The following RPS6KA1 variants were observed in gnomAD, a reference collection of about 807,000 sequenced individuals.
RPS6KA1 encodes the protein ribosomal protein S6 kinase A1.
In RPS6KA1, 48 loss-of-function variants were observed where a neutral mutation model predicts 91.3. The ratio of observed to expected loss-of-function variants is 0.53; its 90% CI spans 0.42 to 0.67. RPS6KA1 has a LOEUF of 0.67. Among genes scored for constraint, RPS6KA1 ranks in the 30% least tolerant of loss-of-function variants. RPS6KA1 has a pLI of 0.00. For missense variants in RPS6KA1, 719 were observed against 960.5 expected, an observed-to-expected ratio of 0.75 and a Z score of 3.32; for synonymous variants, 359 against 384.7, an observed-to-expected ratio of 0.93 and a Z score of 0.78.
chr1:26,554,842 C>T lies in RPS6KA1; in HGVS notation c.756+104C>T. ...ATCATTTCTAGGGCTCTCCCCGTCTCCTCTCACAGCCAAGCTGGCCTCACC... is the reference window on the plus strand; with the variant it reads ...ATCATTTCTAGGGCTCTCCCCGTCTTCTCTCACAGCCAAGCTGGCCTCACC... On this transcript the variant is annotated intron_variant, in intron 9 of 21. Coordinates refer to ENST00000374168, the MANE Select transcript of RPS6KA1 (RefSeq NM_002953.4). This position sits in a 1 kb window ranked among gnomAD's most constrained non-coding sequence, Gnocchi z 4.6. The T allele has an allele frequency of 7.0e-7, 1 of 1,424,098 alleles. No homozygotes were observed. The highest frequency in any genetic ancestry group is 2.2e-5 in the Admixed American group (1 of 44,574). The allele number at this position is 1,424,098 out of a possible 1,614,324, so 88.2% of individuals were successfully genotyped here. A position where few individuals can be genotyped will look rare whatever the true frequency, so the allele number is the denominator to read the frequency against.
chr1:26,545,379 T>A (rs1197188375), intron 2 of RPS6KA1, among the ~76,000 whole-genome samples: 1 of 150,766 alleles, frequency 6.6e-6, no homozygotes, highest in Non-Finnish European at 1.5e-5. Flanking sequence ...GGTTTCATCA[T>A]GTTAACCAGG....
intron 17 of RPS6KA1, among the ~76,000 whole-genome samples, chr1:26,564,240 AATTTT>A (rs992072649): frequency 6.6e-5 from 10 of 152,112 alleles, no homozygotes; most frequent in African/African-American, 2.2e-4. Flanking sequence ...TTTTAAATTT[AATTTT>A]ATTTAATTAA....
In RPS6KA1 at chr1:26,558,913, G is replaced by A. The variant is rs1471546599; in HGVS notation, c.1191G>A (p.Gln397=). The change falls in exon 14 of 22, where the codon CAG becomes CAA. Residue 397 remains glutamine (Q), a synonymous_variant. Coordinates refer to ENST00000374168, the MANE Select transcript of RPS6KA1 (RefSeq NM_002953.4). The surrounding 1 kb of genome is among the most constrained non-coding windows in gnomAD (Gnocchi z 4.0). The part of the protein sequence containing the change: ...MEDDGKPRAP[Q]APLHSVVQQL... ...ACGACGGCAAGCCTCGTGCCCCGCA[G>A]GCACCCCTGCACTCGGTGGTACAGG... The A allele has an allele frequency of 6.2e-7, 1 of 1,613,594 alleles. No homozygotes were observed. Among genetic ancestry groups the A allele is most frequent in the East Asian group, 2.2e-5 (1 of 44,876 alleles).
intron 1 of RPS6KA1, 121 bp from the exon 2 acceptor site, chr1:26,536,804 C>T: frequency 9.0e-7 from 1 of 1,110,792 alleles, no homozygotes; most frequent in Non-Finnish European, 1.4e-6. Flanking sequence ...AGGACTCCTG[C>T]CCTACCACCA....
rs780865899 is a variant in RPS6KA1, at chr1:26,545,929, T to C, written c.109-938T>C. On this transcript the variant is annotated intron_variant, in intron 2 of 21. Transcript: ENST00000374168. ...GAGCAGGATCCCAAGCCGCCCCGTCTGCGGCTCTGGGCCCTGATCCCCTGG... is the reference window on the plus strand; with the variant it reads ...GAGCAGGATCCCAAGCCGCCCCGTCCGCGGCTCTGGGCCCTGATCCCCTGG... 8.2e-6 allele frequency: 13 copies of C among 1,592,090 alleles called. No individual in the cohort carries two copies. In the South Asian group the frequency reaches 1.5e-4, roughly 18 times the overall value.
intron 2 of RPS6KA1, among the ~76,000 whole-genome samples, chr1:26,542,713 G>T (rs544631927): frequency 6.6e-6 from 1 of 151,958 alleles, no homozygotes. Flanking sequence ...TGCCATTGTG[G>T]GTGGGCATAG....
intron 1 of RPS6KA1, among the ~76,000 whole-genome samples, chr1:26,533,997 G>A (rs1430607474): frequency 6.6e-6 from 1 of 152,180 alleles, no homozygotes; most frequent in Non-Finnish European, 1.5e-5. Flanking sequence ...TGACACCCAA[G>A]CCAGAGATCC....
At chr1:26,532,483 C>T (rs1389486599) in intron 1 of RPS6KA1, among the ~76,000 whole-genome samples, 1 of 152,144 alleles carries the variant, frequency 6.6e-6, no homozygotes, top group Non-Finnish European at 1.5e-5. Context: ...TGGAGCCACA[C>T]TAGCCCAGGT....
chr1:26,571,434 GC>G lies in RPS6KA1; in HGVS notation c.1591-10del. On this transcript the variant is annotated splice_polypyrimidine_tract_variant and intron_variant, in intron 17 of 21. Coordinates refer to ENST00000374168, the MANE Select transcript of RPS6KA1 (RefSeq NM_002953.4). This position sits in a 1 kb window ranked among gnomAD's most constrained non-coding sequence, Gnocchi z 5.1. Reference sequence around the variant, plus strand: ...CTCCCCACACTGAGAACTGACCCCAGCCCCCTGCCCCTAGGTTGTGCACAGG... The same window carrying G: ...CTCCCCACACTGAGAACTGACCCCAGCCCCTGCCCCTAGGTTGTGCACAGG... 1.2e-6 allele frequency: 2 copies of G among 1,613,752 alleles called. No homozygotes were observed. Among genetic ancestry groups the G allele is most frequent in the Non-Finnish European group, 1.7e-6 (2 of 1,179,790 alleles).
At chr1:26,556,094 AGAT>A (rs2076099107) in intron 11 of RPS6KA1, 1 of 207,738 alleles carries the variant, frequency 4.8e-6, no homozygotes, top group African/African-American at 2.3e-5. Flanking sequence ...TCTCAATGGG[AGAT>A]GATGATCCCA....
chr1:26,537,849 G>A (rs2075917605), intron 2 of RPS6KA1, among the ~76,000 whole-genome samples: 1 of 152,230 alleles, frequency 6.6e-6, no homozygotes, highest in South Asian at 2.1e-4. Flanking sequence ...TGGGGAAACA[G>A]TGTCTGTCTC....
chr1:26,558,655 C>T lies in RPS6KA1; in HGVS notation c.1085-152C>T. On this transcript the variant is annotated intron_variant, in intron 13 of 21. Transcript: ENST00000374168. This position sits in a 1 kb window ranked among gnomAD's most constrained non-coding sequence, Gnocchi z 4.0. ...TAATAAACACATATGAGCAGTTGGGCCAAGGCCTGTGATGGACAGGCCCTC... is the reference window on the plus strand; with the variant it reads ...TAATAAACACATATGAGCAGTTGGGTCAAGGCCTGTGATGGACAGGCCCTC... 1.2e-6 allele frequency: 1 copy of T among 844,342 alleles called. No individual in the cohort carries two copies. The highest frequency in any genetic ancestry group is 1.9e-6 in the Non-Finnish European group (1 of 528,390). The allele number at this position is 844,342 out of a possible 1,614,324, so 52.3% of individuals were successfully genotyped here. A position where few individuals can be genotyped will look rare whatever the true frequency, so the allele number is the denominator to read the frequency against.
At chr1:26,556,518 A>C (rs2076102911) in intron 11 of RPS6KA1, 136 bp from the exon 12 acceptor site, 2 of 832,056 alleles carry the variant, frequency 2.4e-6, no homozygotes, top group Non-Finnish European at 4.0e-6. Context: ...GGCTGGGTAG[A>C]TTTGAGGCTG....
rs1021029153 is a variant in RPS6KA1, at chr1:26,574,523, G to C, written c.*322G>C. 12 of 497,628 alleles carry C rather than the reference G, an allele frequency of 2.4e-5. No homozygotes were observed. The highest frequency in any genetic ancestry group is 2.3e-4 in the African/African-American group (12 of 51,372). The allele number at this position is 497,628 out of a possible 1,614,324, so 30.8% of individuals were successfully genotyped here. ...AGCAGAAACAGCCATTGCGGCCCCA[G>C]GAGGGGAACTGAGTCACGCTGGGGC... On this transcript the variant is annotated 3_prime_UTR_variant, in exon 22 of 22. Coordinates refer to ENST00000374168, the MANE Select transcript of RPS6KA1 (RefSeq NM_002953.4). The surrounding 1 kb of genome is among the most constrained non-coding windows in gnomAD (Gnocchi z 4.3).
chr1:26,547,509 G>A lies in RPS6KA1; in HGVS notation c.307+239G>A. On this transcript the variant is annotated intron_variant, in intron 4 of 21. Transcript: ENST00000374168. This position sits in a 1 kb window ranked among gnomAD's most constrained non-coding sequence, Gnocchi z 4.1. ...GGTGGTAATAGGGTAAATGCAATGT[G>A]TTTGTCAGGGGGCGGGGCCCTCAAC... 1 of 487,824 alleles carries A rather than the reference G, an allele frequency of 2.0e-6. No homozygotes were observed. The highest frequency in any genetic ancestry group is 2.2e-5 in the South Asian group (1 of 45,618). The allele number at this position is 487,824 out of a possible 1,614,324, so 30.2% of individuals were successfully genotyped here.
chr1:26,555,165 G>A lies in RPS6KA1; in HGVS notation c.771G>A (p.Thr257=), dbSNP rs375217524. 10 of 1,613,956 alleles carry A rather than the reference G, an allele frequency of 6.2e-6. No individual in the cohort carries two copies. Among genetic ancestry groups the A allele is most frequent in the African/African-American group, 5.3e-5 (4 of 74,908 alleles). The change falls in exon 10 of 22, where the codon ACG becomes ACA. Residue 257 remains threonine, a synonymous_variant. Coordinates refer to ENST00000374168, the MANE Select transcript of RPS6KA1 (RefSeq NM_002953.4). This position sits in a 1 kb window ranked among gnomAD's most constrained non-coding sequence, Gnocchi z 4.3. ...GTCCTCTGCAGTTTGAGATGCTGAC[G>A]GGCTCCCTGCCCTTCCAGGGGAAGG... is the stretch of plus-strand genomic sequence containing the variant. ...SYGVLMFEML[T]GSLPFQGKDR...
At chr1:26,543,885 A>G (rs2075969501) in intron 2 of RPS6KA1, among the ~76,000 whole-genome samples, 1 of 152,202 alleles carries the variant, frequency 6.6e-6, no homozygotes, top group Admixed American at 6.5e-5. Flanking sequence ...GATCAGAGTC[A>G]AAGACATCAG....
At position 26,571,481 on chromosome 1, in the gene RPS6KA1, C is replaced by A; in HGVS notation, c.1623C>A (p.Ile541=). ...ACAGGGACCTGAAGCCCAGCAACATCCTGTATGTGGACGAGTCCGGGAATC... is the reference window on the plus strand; with the variant it reads ...ACAGGGACCTGAAGCCCAGCAACATACTGTATGTGGACGAGTCCGGGAATC... ...VVHRDLKPSN[I]LYVDESGNPE... The change falls in exon 18 of 22, where the codon ATC becomes ATA. Residue 541 remains isoleucine, a synonymous_variant. Coordinates refer to ENST00000374168, the MANE Select transcript of RPS6KA1 (RefSeq NM_002953.4). This position sits in a 1 kb window ranked among gnomAD's most constrained non-coding sequence, Gnocchi z 5.1. 6.2e-7 allele frequency: 1 copy of A among 1,614,238 alleles called. No individual in the cohort carries two copies. The highest frequency in any genetic ancestry group is 8.5e-7 in the Non-Finnish European group (1 of 1,180,044).
chr1:26,569,082 C>G (rs1461834850), intron 17 of RPS6KA1, among the ~76,000 whole-genome samples: 3 of 151,384 alleles, frequency 2.0e-5, no homozygotes, highest in Non-Finnish European at 4.4e-5. Flanking sequence ...TTCCAGCTAA[C>G]TGGGAAGCTG....
Sources: gnomAD v4.1 joint callset for allele counts (sites outside exome capture counted in the v4.1 genomes callset) on GRCh38, gnomAD v4.1.1 for gene constraint, Gnocchi (gnomAD v3.1) non-coding constraint, MANE v1.5 for transcripts, NCBI Gene and HGNC (gene_info 2026-07-23, HGNC 2026-07-21) for gene names.